SCNN1B: variants seen among roughly 807,000 people sequenced by gnomAD.
SCNN1B encodes the protein epithelial sodium channel subunit beta.
In SCNN1B, 46 loss-of-function variants were observed where a neutral mutation model predicts 65.3. That is an observed-to-expected ratio of 0.70 (90% CI 0.56 to 0.90). The LOEUF is 0.90. SCNN1B is among the 40% of genes least tolerant of loss of function. The pLI is 0.00. For missense variants in SCNN1B, 751 were observed against 830.5 expected, an observed-to-expected ratio of 0.90 and a Z score of 1.18; for synonymous variants, 349 against 330.6, an observed-to-expected ratio of 1.06 and a Z score of -0.60.
intron 1 of SCNN1B, among the ~76,000 whole-genome samples, chr16:23,280,172 C>T (rs1003719022): frequency 6.6e-6 from 1 of 152,072 alleles, no homozygotes; most frequent in African/African-American, 2.4e-5. Flanking sequence ...CCTCTTGTTT[C>T]GCTCTTACAT....
In SCNN1B at chr16:23,377,017, G is replaced by C. The variant is rs1477184064; in HGVS notation, c.1271-148G>C. The stretch of plus-strand genomic sequence containing the variant: ...AATGGCTGGAGGTCGGGGGCTGGGT[G>C]GGGAGCGGTGATTTTTCATGACACC... On this transcript the variant is annotated intron_variant, in intron 8 of 12. Transcript: ENST00000343070. 4.1e-6 allele frequency: 3 copies of C among 739,780 alleles called. No homozygotes were observed. In the East Asian group the frequency reaches 8.1e-5, roughly 20 times the overall value. The allele number at this position is 739,780 out of a possible 1,614,324, so 45.8% of individuals were successfully genotyped here.
intron 2 of SCNN1B, among the ~76,000 whole-genome samples, chr16:23,293,690 G>T (rs1187391763): frequency 2.0e-5 from 3 of 152,110 alleles, no homozygotes; most frequent in Non-Finnish European, 4.4e-5. Context: ...ACTTTGGGAG[G>T]CTGAGACATG....
chr16:23,318,989 AAGG>A (rs1451385222), intron 1 of SCNN1B, among the ~76,000 whole-genome samples: 1 of 151,988 alleles, frequency 6.6e-6, no homozygotes, highest in East Asian at 1.9e-4. Flanking sequence ...AAACACCAGG[AAGG>A]AGGAGGAGTC....
Position 23,371,412 on chromosome 16 carries a change from G to A in SCNN1B, c.994G>A (p.Glu332Lys). Residue 332 changes from glutamate (E) to lysine (K), a missense_variant, in exon 6 of 13, where the codon GAG becomes AAG. Glu to Lys is a moderately conservative substitution (Grantham distance 56). Transcript: ENST00000343070. ...GAGGTCATACCCCTTCATCAGAGAT[G>A]AGGGCATCTACGCCATGTCGGGGAC... is the stretch of plus-strand genomic sequence containing the variant. Reference protein sequence around the residue: ...EQRSYPFIRDEGIYAMSGTET... With the variant: ...EQRSYPFIRDKGIYAMSGTET... 11 of 1,614,162 alleles carry A rather than the reference G, an allele frequency of 6.8e-6. No homozygotes were observed. The highest frequency in any genetic ancestry group is 9.3e-6 in the Non-Finnish European group (11 of 1,180,012).
intron 1 of SCNN1B, among the ~76,000 whole-genome samples, chr16:23,343,495 G>GAAGGAAGGAA (rs1962099929): frequency 1.2e-5 from 1 of 86,576 alleles, no homozygotes; most frequent in African/African-American, 3.5e-5. Flanking sequence ...AGGAAGGAAG[G>GAAGGAAGGAA]AAGGAAGGAA....
chr16:23,305,557 TA>T (rs1567290332), intron 1 of SCNN1B, among the ~76,000 whole-genome samples: 13 of 58,760 alleles, frequency 2.2e-4, no homozygotes, highest in Non-Finnish European at 3.3e-4. Flanking sequence ...TATATATATA[TA>T]TATATATATA....
At chr16:23,303,352 C>G (rs757878652) in intron 1 of SCNN1B, among the ~76,000 whole-genome samples, 3 of 152,140 alleles carry the variant, frequency 2.0e-5, no homozygotes, top group Non-Finnish European at 2.9e-5. Flanking sequence ...TCTCACAAAG[C>G]CGGGTGGATG....
chr16:23,296,995 A>C (rs942913812), intron 2 of SCNN1B, among the ~76,000 whole-genome samples: 42 of 149,610 alleles, frequency 2.8e-4, no homozygotes, highest in African/African-American at 9.6e-4. Flanking sequence ...CAAAACAAAA[A>C]AAAAAAAAAA....
intron 4 of SCNN1B, among the ~76,000 whole-genome samples, chr16:23,365,607 A>AAG (rs879286451): frequency 0.18 from 13,275 of 74,720 alleles, 1,004 homozygotes; most frequent in East Asian, 0.26. Context: ...GAAAGAAAGA[A>AAG]AGAAAGAAAG....
Position 23,377,232 on chromosome 16 carries a change from G to A in SCNN1B, c.1338G>A (p.Glu446=). 1 of 1,614,230 alleles carries A rather than the reference G, an allele frequency of 6.2e-7. No individual in the cohort carries two copies. Among genetic ancestry groups the A allele is most frequent in the Non-Finnish European group, 8.5e-7 (1 of 1,180,038 alleles). Reference sequence around the variant, plus strand: ...AGACCTGCATTGGCATGTGCAAGGAGTCCTGCAAGTGAGTGCGGGTGGGCG... The same window carrying A: ...AGACCTGCATTGGCATGTGCAAGGAATCCTGCAAGTGAGTGCGGGTGGGCG... ...QRETCIGMCK[E]SCNDTQYKMT... The change falls in exon 9 of 13, where the codon GAG becomes GAA. Residue 446 remains glutamate, a synonymous_variant. Transcript: ENST00000343070.
chr16:23,335,820 CTG>C (rs1961926855), intron 1 of SCNN1B, among the ~76,000 whole-genome samples: 3 of 152,010 alleles, frequency 2.0e-5, no homozygotes, highest in African/African-American at 4.8e-5. Flanking sequence ...TCTCACTTAA[CTG>C]TATATATTGA....
chr16:23,373,282 C>G (rs1962823298), intron 7 of SCNN1B, among the ~76,000 whole-genome samples: 1 of 152,082 alleles, frequency 6.6e-6, no homozygotes, highest in African/African-American at 2.4e-5. Flanking sequence ...CTGTCCCTGG[C>G]TAATTTCTTA....
Position 23,380,563 on chromosome 16 carries a change from T to A in SCNN1B, c.1685T>A (p.Leu562Gln), listed in dbSNP as rs770996491. 2 of 1,614,230 alleles carry A rather than the reference T, an allele frequency of 1.2e-6. No homozygotes were observed. Among genetic ancestry groups the A allele is most frequent in the Non-Finnish European group, 1.7e-6 (2 of 1,180,034 alleles). ...IIKLVALAKS[L>Q]RQRRAQASYA... ...AAGCTGGTGGCCTTGGCCAAGAGCC[T>A]ACGGCAGCGGCGAGCCCAAGCCAGC... Residue 562 changes from leucine to glutamine, a missense_variant, in exon 13 of 13, where the codon CTA (leucine) becomes CAA (glutamine). Coordinates refer to ENST00000343070, the MANE Select transcript of SCNN1B (RefSeq NM_000336.3). This position sits in a 1 kb window ranked among gnomAD's most constrained non-coding sequence, Gnocchi z 5.4.
chr16:23,378,426 G>C (rs779424114), intron 10 of SCNN1B, among the ~76,000 whole-genome samples: 1 of 152,176 alleles, frequency 6.6e-6, no homozygotes, highest in Non-Finnish European at 1.5e-5. Context: ...GGAGGATTCC[G>C]GGCAGAGGGA....
intron 10 of SCNN1B, 51 bp downstream of exon 10, chr16:23,377,437 A>T: frequency 6.3e-7 from 1 of 1,583,188 alleles, no homozygotes; most frequent in East Asian, 2.2e-5. Context: ...GCTGGGGACA[A>T]GTCTGGGCAT....
intron 1 of SCNN1B, among the ~76,000 whole-genome samples, chr16:23,310,272 T>C (rs1961312368): frequency 7.5e-6 from 1 of 133,888 alleles, no homozygotes; most frequent in African/African-American, 2.9e-5. Context: ...ACATAAAAGT[T>C]AGTATGTTCT....
chr16:23,365,587 G>GAA (rs373917735), intron 4 of SCNN1B, among the ~76,000 whole-genome samples: 32,738 of 85,042 alleles, frequency 0.38, 4,606 homozygotes, highest in African/African-American at 0.53. Context: ...AAGAAAGAAA[G>GAA]AGAAAGAAAG....
chr16:23,375,638 T>C (rs1462904485), intron 7 of SCNN1B, 100 bp from the exon 8 acceptor site: 1 of 870,666 alleles, frequency 1.1e-6, no homozygotes, highest in East Asian at 2.4e-5. Context: ...CCTACCTCCC[T>C]TAACTTGGGC....
intron 1 of SCNN1B, among the ~76,000 whole-genome samples, chr16:23,313,558 A>T (rs968282961): frequency 6.6e-6 from 1 of 152,140 alleles, no homozygotes; most frequent in African/African-American, 2.4e-5. Context: ...ATAGGGCCCA[A>T]ATGGCTCTCT....
Sources: gnomAD v4.1 joint callset for allele counts (sites outside exome capture counted in the v4.1 genomes callset) on GRCh38, gnomAD v4.1.1 for gene constraint, Gnocchi (gnomAD v3.1) non-coding constraint, MANE v1.5 for transcripts, NCBI Gene and HGNC (gene_info 2026-07-23, HGNC 2026-07-21) for gene names.